LNPK: variants seen among roughly 807,000 people sequenced by gnomAD.
LNPK encodes endoplasmic reticulum junction formation protein lunapark.
Under a neutral mutation model 55.2 loss-of-function variants are expected in LNPK, and 29 were observed. That is an observed-to-expected ratio of 0.53 (90% CI 0.39 to 0.72). The LOEUF is 0.72. Ranked by LOEUF, LNPK falls within the 30% of genes least tolerant of loss-of-function variation. The probability of loss-of-function intolerance (pLI) is 0.00; values close to 1 mark genes in which losing one functional copy is unlikely to be tolerated. For synonymous variants in LNPK, 162 were observed against 168.2 expected, an observed-to-expected ratio of 0.96 and a Z score of 0.29; for missense variants, 467 against 494.8, an observed-to-expected ratio of 0.94 and a Z score of 0.53.
intron 8 of LNPK, among the ~76,000 whole-genome samples, chr2:175,962,363 C>A (rs1297482640): frequency 2.0e-5 from 3 of 152,026 alleles, no homozygotes; most frequent in Non-Finnish European, 4.4e-5. Context: ...GATATATAGA[C>A]CAATGGAACA....
chr2:175,968,261 A>C (rs1045633690), intron 6 of LNPK, among the ~76,000 whole-genome samples: 1 of 152,210 alleles, frequency 6.6e-6, no homozygotes, highest in Non-Finnish European at 1.5e-5. Context: ...TTCTCAGGGA[A>C]CTATAACACT....
intron 5 of LNPK, among the ~76,000 whole-genome samples, chr2:175,976,579 G>A (rs1394357180): frequency 6.6e-6 from 1 of 152,196 alleles, no homozygotes; most frequent in Non-Finnish European, 1.5e-5. Context: ...TCTCCCTAAT[G>A]AAGTGGCCCT....
At position 175,930,188 on chromosome 2, in the gene LNPK, G is replaced by C; in HGVS notation, c.1066C>G (p.His356Asp). ...DNQFNEESLE[H>D]DVLDDNTEQT... is the part of the protein sequence containing the mutation. ...TCTGTATTATCATCAAGAACATCGT[G>C]TTCTAAAGATTCTGAAAAGATAAAG... is the stretch of plus-strand genomic sequence containing the variant. Residue 356 changes from histidine to aspartate, a missense_variant, in exon 13 of 13, where the codon CAC (histidine) becomes GAC (aspartate). His to Asp is a moderately conservative substitution (Grantham distance 81). Coordinates refer to ENST00000272748, the MANE Select transcript of LNPK (RefSeq NM_030650.3). 1 of 1,611,700 alleles carries C rather than the reference G, an allele frequency of 6.2e-7. No individual in the cohort carries two copies. The highest frequency in any genetic ancestry group is 8.5e-7 in the Non-Finnish European group (1 of 1,178,856).
intron 9 of LNPK, among the ~76,000 whole-genome samples, 174 bp downstream of exon 9, chr2:175,947,306 G>A (rs925514474): frequency 6.6e-6 from 1 of 152,172 alleles, no homozygotes; most frequent in African/African-American, 2.4e-5. Context: ...AGTATCACAA[G>A]GTGCCAGCTG....
At chr2:175,980,904 C>CCA (rs1553507326) in intron 4 of LNPK, among the ~76,000 whole-genome samples, 3 of 99,584 alleles carry the variant, frequency 3.0e-5, no homozygotes, top group African/African-American at 8.8e-5. Flanking sequence ...AAGACTGTCC[C>CCA]AAAAAAAAAA....
intron 12 of LNPK, chr2:175,932,145 G>A (rs1236560252): frequency 4.4e-6 from 2 of 454,620 alleles, no homozygotes. Context: ...CTGTCTGACA[G>A]ACTGCCTCAA....
intron 6 of LNPK, among the ~76,000 whole-genome samples, chr2:175,968,836 T>C (rs185277030): frequency 6.6e-6 from 1 of 152,130 alleles, no homozygotes; most frequent in Non-Finnish European, 1.5e-5. Context: ...ATGGCCAACA[T>C]AGTGAAGCCC....
At chr2:176,001,569 T>C (rs1688160586) in intron 1 of LNPK, among the ~76,000 whole-genome samples, 1 of 151,954 alleles carries the variant, frequency 6.6e-6, no homozygotes, top group African/African-American at 2.4e-5. Context: ...CCACCATCCC[T>C]GAAATAAGGA....
intron 2 of LNPK, chr2:175,994,301 A>C (rs1687835496): frequency 2.0e-5 from 20 of 983,400 alleles, no homozygotes; most frequent in Non-Finnish European, 2.4e-5. Flanking sequence ...AGACAAAACA[A>C]GAAGAGATAA....
At chr2:175,983,424 A>G (rs1245905112) in intron 4 of LNPK, among the ~76,000 whole-genome samples, 1 of 152,224 alleles carries the variant, frequency 6.6e-6, no homozygotes, top group African/African-American at 2.4e-5. Flanking sequence ...ACAGGAAGAT[A>G]TGCCTTTATA....
chr2:175,950,530 T>C (rs1685345720), intron 8 of LNPK, among the ~76,000 whole-genome samples: 1 of 152,106 alleles, frequency 6.6e-6, no homozygotes. Flanking sequence ...TATATATCAA[T>C]TAAAAATGAA....
intron 8 of LNPK, among the ~76,000 whole-genome samples, chr2:175,951,731 T>C (rs1685430260): frequency 6.6e-6 from 1 of 151,620 alleles, no homozygotes; most frequent in Non-Finnish European, 1.5e-5. Flanking sequence ...AATGACTTAT[T>C]TTCCTCTGGG....
intron 9 of LNPK, 148 bp downstream of exon 9, chr2:175,947,332 A>AATTGAATATGGAACTCCTGCTT (rs1291505872): frequency 9.6e-6 from 6 of 627,760 alleles, no homozygotes; most frequent in Non-Finnish European, 1.6e-5. Flanking sequence ...AGTTATGGCT[A>AATTGAATATGGAACTCCTGCTT]ATTGAATATG....
intron 6 of LNPK, among the ~76,000 whole-genome samples, chr2:175,968,637 C>T (rs991934661): frequency 6.6e-6 from 1 of 152,102 alleles, no homozygotes; most frequent in African/African-American, 2.4e-5. Flanking sequence ...AATAATAATA[C>T]TTACATTAAG....
At chr2:175,970,904 T>C in intron 5 of LNPK, 100 bp from the exon 6 acceptor site, 1 of 1,090,294 alleles carries the variant, frequency 9.2e-7, no homozygotes. Flanking sequence ...CTTTCTTATT[T>C]TAGGATTTTT....
chr2:175,938,365 C>A lies in LNPK; in HGVS notation c.831G>T (p.Gln277His). ...CCATGCCATTATGAGAAAAACACTG[C>A]TGACATATAAGTGCATACCTACACC... ...GPQNRYALIC[Q>H]QCFSHNGMAL... The change falls in exon 11 of 13, where the codon CAG becomes CAT. Residue 277 changes from glutamine to histidine, a missense_variant. Physicochemically the swap from Gln to His is conservative, Grantham distance 24 (BLOSUM62 0). Transcript: ENST00000272748. 2 of 1,600,234 alleles carry A rather than the reference C, an allele frequency of 1.2e-6. No individual in the cohort carries two copies. The highest frequency in any genetic ancestry group is 1.7e-6 in the Non-Finnish European group (2 of 1,169,314).
Position 175,992,218 on chromosome 2 carries a change from A to G in LNPK, c.257+13T>C, listed in dbSNP as rs774205527. Reference sequence around the variant, plus strand: ...GAAAAGGAAAAGATCAACAAAAAGAATAATTTACTTACATCAATGGAAAAG... The same window carrying G: ...GAAAAGGAAAAGATCAACAAAAAGAGTAATTTACTTACATCAATGGAAAAG... On this transcript the variant is annotated intron_variant, in intron 4 of 12. Coordinates refer to ENST00000272748, the MANE Select transcript of LNPK (RefSeq NM_030650.3). 6.6e-7 allele frequency: 1 copy of G among 1,523,568 alleles called. No individual in the cohort carries two copies. Among genetic ancestry groups the G allele is most frequent in the South Asian group, 1.3e-5 (1 of 77,512 alleles). The allele number at this position is 1,523,568 out of a possible 1,614,324, so 94.4% of individuals were successfully genotyped here.
chr2:175,943,234 T>C (rs923651128), intron 9 of LNPK, among the ~76,000 whole-genome samples: 2 of 150,968 alleles, frequency 1.3e-5, no homozygotes, highest in Non-Finnish European at 3.0e-5. Flanking sequence ...AAACACCTTT[T>C]TCTCTCAGAA....
intron 9 of LNPK, among the ~76,000 whole-genome samples, chr2:175,947,005 T>A (rs1461663942): frequency 6.6e-6 from 1 of 151,470 alleles, no homozygotes; most frequent in Non-Finnish European, 1.5e-5. Context: ...TAAGGTTCTA[T>A]GCCTTAAAAA....
Sources: allele counts gnomAD v4.1 joint callset (sites outside exome capture counted in the v4.1 genomes callset), GRCh38; gene constraint gnomAD v4.1.1; transcripts MANE v1.5; gene names NCBI Gene and HGNC (gene_info 2026-07-23, HGNC 2026-07-21).